Variants in TNS2 observed in about 807,000 individuals in gnomAD.
TNS2 encodes the protein tensin-2.
A neutral mutation model predicts 155.7 loss-of-function variants in TNS2; 77 were observed. The observed-to-expected ratio is 0.49, with a 90% CI of 0.41 to 0.60. The LOEUF (loss-of-function observed/expected upper bound fraction) is 0.60, where lower values mean the gene tolerates loss of function less well. Among genes scored for constraint, TNS2 ranks in the 20% least tolerant of loss-of-function variants. The pLI, the probability that TNS2 is intolerant of heterozygous loss-of-function variation, is 0.00. For missense variants in TNS2, 1,703 were observed against 1,868.8 expected (o/e 0.91, Z 1.64); for synonymous variants, 726 against 763.9 (o/e 0.95, Z 0.82).
At position 53,061,904 on chromosome 12, in the gene TNS2, G is replaced by A. The variant is rs776935978; in HGVS notation, c.3538G>A (p.Val1180Met). ...AGGAGCTTATGGGCTGGCCCTCAAG[G>A]TGGCCACACCGCCACCCAGTGCCCA... ...FQGAYGLALK[V>M]ATPPPSAQPW... Residue 1180 changes from valine to methionine, a missense_variant, in exon 22 of 29, where the codon GTG (valine) becomes ATG (methionine). Coordinates refer to ENST00000314250, the MANE Select transcript of TNS2 (RefSeq NM_170754.4). 1.2e-6 allele frequency: 2 copies of A among 1,613,336 alleles called. No homozygotes were observed. The highest frequency in any genetic ancestry group is 1.7e-6 in the Non-Finnish European group (2 of 1,179,942).
Position 53,064,208 on chromosome 12 carries a change from C to G in TNS2, c.*326C>G. 3.3e-6 allele frequency: 1 copy of G among 304,630 alleles called. No individual in the cohort carries two copies. Among genetic ancestry groups the G allele is most frequent in the South Asian group, 5.4e-5 (1 of 18,574 alleles). The allele number at this position is 304,630 out of a possible 1,614,324, so 18.9% of individuals were successfully genotyped here. A position where few individuals can be genotyped will look rare whatever the true frequency, so the allele number is the denominator to read the frequency against. On this transcript the variant is annotated 3_prime_UTR_variant, in exon 29 of 29. Transcript: ENST00000314250. ...ACGTCAGCCCTCCAGGGGATCAGCCCCTGCCAGTTCCACCCAGCTGCAGGT... is the reference window on the plus strand; with the variant it reads ...ACGTCAGCCCTCCAGGGGATCAGCCGCTGCCAGTTCCACCCAGCTGCAGGT...
chr12:53,055,792 C>T lies in TNS2; in HGVS notation c.708C>T (p.Gly236=), dbSNP rs769884597. Reference sequence around the variant, plus strand: ...TCTCTGTCTGTCAGGGAAACAAGGGCAAGCTTGGGGTCATCGTTTCTGCCT... The same window carrying T: ...TCTCTGTCTGTCAGGGAAACAAGGGTAAGCTTGGGGTCATCGTTTCTGCCT... The part of the protein sequence containing the change: ...VVVLYCKGNK[G]KLGVIVSAYM... The change falls in exon 10 of 29, where the codon GGC becomes GGT. Residue 236 remains glycine (G), a synonymous_variant. Transcript: ENST00000314250. 5.0e-6 allele frequency: 8 copies of T among 1,614,122 alleles called. No individual in the cohort carries two copies. Among genetic ancestry groups the T allele is most frequent in the South Asian group, 1.1e-5 (1 of 91,092 alleles).
chr12:53,053,638 G>C, intron 4 of TNS2, 136 bp from the exon 5 acceptor site: 2 of 1,404,526 alleles, frequency 1.4e-6, no homozygotes, highest in Non-Finnish European at 1.9e-6. Flanking sequence ...CCTGCTGGGG[G>C]TAGGACTCCT....
upstream of TNS2, among the ~76,000 whole-genome samples, chr12:53,048,577 G>C (rs1943811580): frequency 6.6e-6 from 1 of 152,220 alleles, no homozygotes; most frequent in Admixed American, 6.5e-5. Context: ...CAGGCTGGCA[G>C]GATGGGGGTG....
upstream of TNS2, chr12:53,048,909 G>T: frequency 2.5e-6 from 1 of 401,090 alleles, no homozygotes; most frequent in South Asian, 4.3e-5. Flanking sequence ...TGAGTACTGG[G>T]ACATTCAATA....
intron 20 of TNS2, 21 bp from the exon 21 acceptor site, chr12:53,061,359 C>T (rs757875462): frequency 1.9e-6 from 3 of 1,613,760 alleles, no homozygotes; most frequent in Non-Finnish European, 2.5e-6. Flanking sequence ...GGGGTCTGAA[C>T]CTACTCCCTC....
intron 11 of TNS2, 144 bp from the exon 12 acceptor site, chr12:53,057,423 C>G: frequency 1.4e-6 from 1 of 735,312 alleles, no homozygotes; most frequent in Non-Finnish European, 2.3e-6. Flanking sequence ...AGGTTAGATG[C>G]AAGGAAGAAC....
upstream of TNS2, among the ~76,000 whole-genome samples, chr12:53,047,363 G>A (rs1486803087): frequency 6.9e-6 from 1 of 145,620 alleles, no homozygotes; most frequent in African/African-American, 2.5e-5. Flanking sequence ...CCGGCCGGGC[G>A]CCCCCCGCAG....
In TNS2 at chr12:53,059,011, G is replaced by A. The variant is rs770157836; in HGVS notation, c.1406-36G>A. ...TTTTCTCTCTCCCTCCCTGTTCCCC[G>A]CTTGCCCTCCCTCCCTGATCCTCTT... On this transcript the variant is annotated intron_variant, in intron 17 of 28. Coordinates refer to ENST00000314250, the MANE Select transcript of TNS2 (RefSeq NM_170754.4). The surrounding 1 kb of genome is among the most constrained non-coding windows in gnomAD (Gnocchi z 4.7). 2.9e-5 allele frequency: 45 copies of A among 1,534,284 alleles called. No homozygotes were observed. Among genetic ancestry groups the A allele is most frequent in the Admixed American group, 7.7e-5 (4 of 52,146 alleles).
intron 14 of TNS2, 92 bp downstream of exon 14, chr12:53,058,194 G>A: frequency 6.2e-7 from 1 of 1,609,146 alleles, no homozygotes; most frequent in Non-Finnish European, 8.5e-7. Context: ...ACAGATTGGA[G>A]AGCGAGTAGG....
rs75248314 is a variant in TNS2, at chr12:53,060,424, C to G, written c.2637C>G (p.Ser879=). 16,500 of 1,613,366 alleles carry G rather than the reference C, an allele frequency of 0.01. 118 individuals carry two copies. Among genetic ancestry groups the G allele is most frequent in the Non-Finnish European group, 0.013 (15,204 of 1,179,908 alleles). ...CTGCAGAGTCGCTGGAGCCGGTGTC[C>G]TGGAGGGAGGGCCCCAGTGGGCACA... The part of the protein sequence containing the change: ...LASAESLEPV[S]WREGPSGHST... The change falls in exon 19 of 29, where the codon TCC becomes TCG. Residue 879 remains serine (S), a synonymous_variant. Transcript: ENST00000314250. The surrounding 1 kb of genome is among the most constrained non-coding windows in gnomAD (Gnocchi z 6.1).
At chr12:53,062,863 A>C in intron 25 of TNS2, 166 bp downstream of exon 25, 1 of 963,772 alleles carries the variant, frequency 1.0e-6, no homozygotes, top group Admixed American at 2.7e-5. Context: ...TCCTCAGCCT[A>C]GGTTCTCAAA....
Position 53,059,209 on chromosome 12 carries a change from C to T in TNS2, c.1568C>T (p.Pro523Leu), listed in dbSNP as rs762852118. 4.0e-5 allele frequency: 64 copies of T among 1,582,284 alleles called. No individual in the cohort carries two copies. The highest frequency in any genetic ancestry group is 5.0e-5 in the Non-Finnish European group (59 of 1,170,466). The change falls in exon 18 of 29, where the codon CCG becomes CTG. Residue 523 changes from proline (P) to leucine (L), a missense_variant. By Grantham distance (98) the Pro-to-Leu change is moderately conservative. Transcript: ENST00000314250. This position sits in a 1 kb window ranked among gnomAD's most constrained non-coding sequence, Gnocchi z 4.7. ...SGHSSTLTTE[P>L]AAESPGRPPP... ...CATTCCTCCACGCTGACCACAGAGC[C>T]GGCTGCTGAGTCCCCTGGCCGGCCG...
intron 14 of TNS2, 94 bp from the exon 15 acceptor site, chr12:53,058,222 G>C: frequency 6.2e-7 from 1 of 1,603,912 alleles, no homozygotes; most frequent in Non-Finnish European, 8.5e-7. Context: ...CCTTGAGATC[G>C]AGGCAGGGCA....
chr12:53,062,824 C>G (rs903930894), intron 25 of TNS2, 127 bp downstream of exon 25: 2 of 1,184,508 alleles, frequency 1.7e-6, no homozygotes, highest in African/African-American at 3.1e-5. Flanking sequence ...GGCAGGGGAG[C>G]CCCATACTGT....
At chr12:53,061,536 T>C (rs1435541750) in intron 21 of TNS2, 67 bp downstream of exon 21, 3 of 1,545,584 alleles carry the variant, frequency 1.9e-6, no homozygotes, top group Admixed American at 1.7e-5. Flanking sequence ...TGGCTTTAAG[T>C]CCCATCCTGT....
At chr12:53,056,950 A>C in intron 10 of TNS2, 63 bp from the exon 11 acceptor site, 2 of 1,492,034 alleles carry the variant, frequency 1.3e-6, no homozygotes, top group South Asian at 1.2e-5. Context: ...CCTGGGGCTT[A>C]GGGATGGGAG....
rs540965442 is a variant in TNS2, at chr12:53,059,360, C to T, written c.1719C>T (p.Gly573=). 1.2e-5 allele frequency: 18 copies of T among 1,450,918 alleles called. No homozygotes were observed. The highest frequency in any genetic ancestry group is 7.6e-5 in the East Asian group (3 of 39,690). 89.9% of individuals were successfully genotyped at this position (1,450,918 alleles called of 1,614,324 possible). ...ILDDEEQPTV[G]GGPHLGVYPG... is the part of the protein sequence containing the mutation. ...ATGACGAAGAGCAGCCCACTGTGGG[C>T]GGAGGCCCCCACCTCGGAGTGTATC... is the stretch of plus-strand genomic sequence containing the variant. Residue 573 remains glycine, a synonymous_variant, in exon 18 of 29, where the codon GGC becomes GGT. Transcript: ENST00000314250. The surrounding 1 kb of genome is among the most constrained non-coding windows in gnomAD (Gnocchi z 4.7).
At chr12:53,055,884 G>A (rs1311758650) in intron 10 of TNS2, 39 bp downstream of exon 10, 1 of 1,584,252 alleles carries the variant, frequency 6.3e-7, no homozygotes, top group African/African-American at 1.4e-5. Flanking sequence ...TTCCCCAGTG[G>A]CCCTTTCTCC....
Sources: gnomAD v4.1 joint callset for allele counts (sites outside exome capture counted in the v4.1 genomes callset) on GRCh38, gnomAD v4.1.1 for gene constraint, Gnocchi (gnomAD v3.1) non-coding constraint, MANE v1.5 for transcripts, NCBI Gene and HGNC (gene_info 2026-07-23, HGNC 2026-07-21) for gene names.